The following BABAM2 variants were observed in gnomAD, a reference collection of about 807,000 sequenced individuals.
BABAM2 encodes BRISC and BRCA1-A complex member 2.
In BABAM2, 31 loss-of-function variants were observed where a neutral mutation model predicts 54.7. The ratio of observed to expected loss-of-function variants is 0.57; its 90% CI spans 0.43 to 0.77. BABAM2 has a LOEUF of 0.77. Among genes scored for constraint, BABAM2 ranks in the 30% least tolerant of loss-of-function variants. The pLI, the probability that BABAM2 is intolerant of heterozygous loss-of-function variation, is 0.00. For synonymous variants in BABAM2, 167 were observed against 162.9 expected (o/e 1.03, Z -0.19); for missense variants, 364 against 455.8 (o/e 0.80, Z 1.83).
intron 7 of BABAM2, among the ~76,000 whole-genome samples, chr2:28,217,207 T>C (rs1679998702): frequency 6.6e-6 from 1 of 152,218 alleles, no homozygotes; most frequent in Non-Finnish European, 1.5e-5. Flanking sequence ...CTGTCATATC[T>C]GTTAATATTT....
chr2:28,111,701 G>A (rs184497913), intron 6 of BABAM2, among the ~76,000 whole-genome samples: 76 of 151,862 alleles, frequency 5.0e-4, no homozygotes, highest in African/African-American at 1.8e-3. Context: ...TTTCTTAATT[G>A]TCAGTCCTCT....
chr2:28,041,896 G>A (rs1393847205), intron 5 of BABAM2, among the ~76,000 whole-genome samples: 1 of 152,206 alleles, frequency 6.6e-6, no homozygotes, highest in African/African-American at 2.4e-5. Context: ...GGCTGACAGA[G>A]TTAGGGGCAA....
intron 11 of BABAM2, among the ~76,000 whole-genome samples, chr2:28,302,132 T>C (rs894248704): frequency 3.9e-5 from 6 of 152,170 alleles, no homozygotes; most frequent in Admixed American, 1.3e-4. Flanking sequence ...TTAGCTGTTA[T>C]GGTGGCCGGG....
chr2:28,033,442 T>C (rs1335778660), intron 5 of BABAM2, among the ~76,000 whole-genome samples: 2 of 152,160 alleles, frequency 1.3e-5, no homozygotes, highest in Non-Finnish European at 2.9e-5. Flanking sequence ...AAGAGCCTTC[T>C]TGATATTGGG....
intron 6 of BABAM2, among the ~76,000 whole-genome samples, chr2:28,082,107 T>C (rs1333237053): frequency 7.4e-6 from 1 of 134,966 alleles, no homozygotes; most frequent in Non-Finnish European, 1.7e-5. Context: ...CATATTGCTA[T>C]GGGGGAAAAA....
At position 28,231,372 on chromosome 2, in the gene BABAM2, G is replaced by A. The variant is rs72855696; in HGVS notation, c.681-5830G>A. On this transcript the variant is annotated intron_variant, in intron 7 of 11. Transcript: ENST00000379624. ...AGGACTTATCGTTGGTACCCTAGTC[G>A]TGTGTTCAGAATGGGAAACTCAAGT... Among the ~76,000 whole-genome samples, 1,400 of 152,278 alleles carry A rather than the reference G, an allele frequency of 9.2e-3. 13 individuals are homozygous for A. Among genetic ancestry groups the A allele is most frequent in the African/African-American group, 0.031 (1,303 of 41,546 alleles).
intron 6 of BABAM2, among the ~76,000 whole-genome samples, chr2:28,088,595 G>T (rs1276527215): frequency 6.6e-6 from 1 of 152,152 alleles, no homozygotes; most frequent in Non-Finnish European, 1.5e-5. Flanking sequence ...AGCCAGTGTT[G>T]CCCAACCGTG....
chr2:28,206,894 T>A (rs1678906979), intron 7 of BABAM2, among the ~76,000 whole-genome samples: 1 of 152,208 alleles, frequency 6.6e-6, no homozygotes, highest in Admixed American at 6.5e-5. Context: ...CCCCTACTAT[T>A]GCTGCTGCTA....
intron 7 of BABAM2, among the ~76,000 whole-genome samples, chr2:28,234,931 A>G (rs779703861): frequency 3.9e-5 from 6 of 152,254 alleles, no homozygotes; most frequent in Non-Finnish European, 8.8e-5. Context: ...TGCCTACTCT[A>G]AGCGTAGCAA....
At chr2:28,097,361 G>A (rs1322193807) in intron 6 of BABAM2, among the ~76,000 whole-genome samples, 1 of 152,178 alleles carries the variant, frequency 6.6e-6, no homozygotes, top group African/African-American at 2.4e-5. Context: ...AGAGCTTTGT[G>A]TACTCTAACC....
rs566358171 is a variant in BABAM2 at position 28,032,503 on chromosome 2, C to CA, written c.495+7091dup. On this transcript the variant is annotated intron_variant, in intron 5 of 11. Coordinates refer to ENST00000379624, the MANE Select transcript of BABAM2 (RefSeq NM_199191.3). ...CACACATTTGAAAGTAAACATTAAC[C>CA]AAAAAAAACCCATTCTTTATTGTCT... Among the ~76,000 whole-genome samples, 18 of 151,522 alleles carry CA rather than the reference C, an allele frequency of 1.2e-4. No homozygotes were observed. The South Asian group carries it at 1.3e-3, about 11-fold the overall frequency.
intron 6 of BABAM2, among the ~76,000 whole-genome samples, chr2:28,072,494 T>C (rs1464360086): frequency 3.3e-5 from 5 of 152,250 alleles, no homozygotes; most frequent in African/African-American, 1.2e-4. Flanking sequence ...CATGCCATTC[T>C]CCTGCCTCAG....
intron 7 of BABAM2, among the ~76,000 whole-genome samples, chr2:28,147,004 C>T (rs531319894): frequency 5.9e-5 from 9 of 152,256 alleles, no homozygotes; most frequent in Admixed American, 2.6e-4. Flanking sequence ...CCTAAAATTC[C>T]GTAGTCTTTT....
chr2:28,170,935 A>G (rs997346556), intron 7 of BABAM2, among the ~76,000 whole-genome samples: 1 of 152,210 alleles, frequency 6.6e-6, no homozygotes, highest in East Asian at 1.9e-4. Flanking sequence ...AAAAGGATAT[A>G]TGCTTCAGAG....
At chr2:27,913,959 A>G (rs1415600664) in intron 2 of BABAM2, among the ~76,000 whole-genome samples, 1 of 152,228 alleles carries the variant, frequency 6.6e-6, no homozygotes, top group East Asian at 1.9e-4. Flanking sequence ...TTACAAGAAA[A>G]TATCATTTAC....
intron 7 of BABAM2, among the ~76,000 whole-genome samples, chr2:28,216,781 C>T (rs1173203854): frequency 6.6e-6 from 1 of 152,048 alleles, no homozygotes; most frequent in Non-Finnish European, 1.5e-5. Context: ...AGAATAAAAC[C>T]CCAGTAACTT....
chr2:28,026,943 TATATTA>T (rs202211490), intron 5 of BABAM2, among the ~76,000 whole-genome samples: 1 of 4,776 alleles, frequency 2.1e-4, no homozygotes, highest in Non-Finnish European at 2.8e-3. Context: ...TATATAAATA[TATATTA>T]ATATATATAA....
In BABAM2 at chr2:28,318,421, C is replaced by T. The variant is rs115193683; in HGVS notation, c.1088+19930C>T. ...TGTTATAATAGAATACAGGTATGGTCTTGGAAGCTGCAAATATTGATTATC... is the reference window on the plus strand; with the variant it reads ...TGTTATAATAGAATACAGGTATGGTTTTGGAAGCTGCAAATATTGATTATC... On this transcript the variant is annotated intron_variant, in intron 11 of 11. Transcript: ENST00000379624. Among the ~76,000 whole-genome samples, 926 of 152,310 alleles carry T rather than the reference C, an allele frequency of 6.1e-3. 2 individuals are homozygous for T. Among genetic ancestry groups the T allele is most frequent in the Middle Eastern group, 0.017 (5 of 294 alleles).
chr2:28,018,307 A>G (rs936723678), intron 4 of BABAM2, among the ~76,000 whole-genome samples: 6 of 152,156 alleles, frequency 3.9e-5, no homozygotes, highest in African/African-American at 7.2e-5. Flanking sequence ...ATAGTCTCCA[A>G]TTCCATCCAG....
Sources: allele counts gnomAD v4.1 joint callset (sites outside exome capture counted in the v4.1 genomes callset), GRCh38; gene constraint gnomAD v4.1.1; transcripts MANE v1.5; gene names NCBI Gene and HGNC (gene_info 2026-07-23, HGNC 2026-07-21).